RUNX2: variants seen among roughly 807,000 people sequenced by gnomAD.
RUNX2 encodes the protein runt-related transcription factor 2.
In RUNX2, 10 loss-of-function variants were observed where a neutral mutation model predicts 51.7. The ratio of observed to expected loss-of-function variants is 0.19; its 90% confidence interval spans 0.12 to 0.33. The LOEUF is 0.33. Ranked by LOEUF, RUNX2 falls within the 10% of genes least tolerant of loss-of-function variation. The pLI is 1.00. For synonymous variants in RUNX2, 276 were observed against 273.6 expected, an observed-to-expected ratio of 1.01 and a Z score of -0.09; for missense variants, 562 against 691.3, an observed-to-expected ratio of 0.81 and a Z score of 2.10.
At chr6:45,522,496 A>C (rs1801537313) in intron 7 of RUNX2, among the ~76,000 whole-genome samples, 1 of 152,182 alleles carries the variant, frequency 6.6e-6, no homozygotes, top group South Asian at 2.1e-4. Flanking sequence ...TGCTTCAACA[A>C]TTACGTTTTC....
At chr6:45,503,269 G>A (rs1343213103) in intron 6 of RUNX2, among the ~76,000 whole-genome samples, 1 of 152,164 alleles carries the variant, frequency 6.6e-6, no homozygotes, top group East Asian at 1.9e-4. Flanking sequence ...AAACTCCATA[G>A]CACCAGGGAT....
intron 2 of RUNX2, chr6:45,365,431 A>C: frequency 1.6e-6 from 1 of 616,172 alleles, no homozygotes; most frequent in Non-Finnish European, 2.7e-6. Context: ...TTTTGCACAA[A>C]ACTGATTCAC....
chr6:45,427,926 A>C (rs1798427124), intron 3 of RUNX2, among the ~76,000 whole-genome samples: 1 of 152,160 alleles, frequency 6.6e-6, no homozygotes, highest in South Asian at 2.1e-4. Flanking sequence ...TGTGATTTAA[A>C]TGCTAGTTAT....
chr6:45,375,949 T>C (rs1340114512), intron 2 of RUNX2, among the ~76,000 whole-genome samples: 1 of 152,152 alleles, frequency 6.6e-6, no homozygotes, highest in Non-Finnish European at 1.5e-5. Flanking sequence ...AATGTCCTAA[T>C]GCTCAAGAGT....
At chr6:45,491,736 T>A (rs1800481044) in intron 5 of RUNX2, among the ~76,000 whole-genome samples, 1 of 150,804 alleles carries the variant, frequency 6.6e-6, no homozygotes, top group South Asian at 2.1e-4. Flanking sequence ...TCTCCATTTA[T>A]AAAACAGAGC....
intron 5 of RUNX2, among the ~76,000 whole-genome samples, chr6:45,447,938 T>C (rs965314845): frequency 3.4e-5 from 5 of 146,144 alleles, no homozygotes; most frequent in Non-Finnish European, 7.6e-5. Context: ...AAAGCCTGTC[T>C]GCTTTGAGTG....
At chr6:45,466,612 G>A (rs1799637113) in intron 5 of RUNX2, among the ~76,000 whole-genome samples, 1 of 152,212 alleles carries the variant, frequency 6.6e-6, no homozygotes, top group Admixed American at 6.5e-5. Flanking sequence ...AGGTGGCCTT[G>A]GTGAGAGACC....
intron 3 of RUNX2, among the ~76,000 whole-genome samples, chr6:45,431,133 G>A (rs1351560076): frequency 6.6e-6 from 1 of 152,218 alleles, no homozygotes; most frequent in Non-Finnish European, 1.5e-5. Context: ...AGATTAAGCA[G>A]TCAAGTATGT....
intron 2 of RUNX2, chr6:45,365,187 A>C (rs2150275674): frequency 4.7e-6 from 7 of 1,490,878 alleles, no homozygotes; most frequent in Non-Finnish European, 5.6e-6. Context: ...AATAGCATGC[A>C]GGGACATACT....
chr6:45,479,949 C>T (rs970586100), intron 5 of RUNX2, among the ~76,000 whole-genome samples: 1 of 152,184 alleles, frequency 6.6e-6, no homozygotes, highest in African/African-American at 2.4e-5. Context: ...AAATACTTGG[C>T]ACCTTTAGTG....
intron 2 of RUNX2, among the ~76,000 whole-genome samples, chr6:45,373,287 T>C (rs1305575406): frequency 6.6e-6 from 1 of 151,976 alleles, no homozygotes; most frequent in Admixed American, 6.6e-5. Flanking sequence ...CACTACCCAT[T>C]AACTATGGGC....
intron 2 of RUNX2, among the ~76,000 whole-genome samples, chr6:45,418,005 G>A (rs17288397): frequency 0.08 from 12,160 of 152,106 alleles, 713 homozygotes; most frequent in South Asian, 0.18. Context: ...GAGTCCAAAC[G>A]AAAATTCTCC....
chr6:45,423,836 G>A (rs1798307328), intron 3 of RUNX2, among the ~76,000 whole-genome samples: 1 of 152,220 alleles, frequency 6.6e-6, no homozygotes, highest in Non-Finnish European at 1.5e-5. Flanking sequence ...AGTGCTGGGA[G>A]GCGCGGGCCA....
At chr6:45,435,914 GA>G (rs796125775) in intron 4 of RUNX2, among the ~76,000 whole-genome samples, 1 of 152,276 alleles carries the variant, frequency 6.6e-6, no homozygotes, top group African/African-American at 2.4e-5. Context: ...CCATTGTTTT[GA>G]GGTTCTAACT....
At chr6:45,394,004 C>T (rs1477405221) in intron 2 of RUNX2, among the ~76,000 whole-genome samples, 1 of 151,050 alleles carries the variant, frequency 6.6e-6, no homozygotes, top group African/African-American at 2.4e-5. Context: ...CTTCCCGGGT[C>T]CCGGTTCAAG....
chr6:45,545,017 G>T (rs1490338362), intron 7 of RUNX2, among the ~76,000 whole-genome samples, 200 bp from the exon 8 acceptor site: 1 of 152,166 alleles, frequency 6.6e-6, no homozygotes, highest in Non-Finnish European at 1.5e-5. Context: ...GAAAGTGTTT[G>T]CTTCTGGCCT....
At chr6:45,509,472 G>A (rs1308716860) in intron 6 of RUNX2, among the ~76,000 whole-genome samples, 2 of 152,166 alleles carry the variant, frequency 1.3e-5, no homozygotes, top group African/African-American at 4.8e-5. Context: ...AGGCCTAAAA[G>A]TTTAAGTGAT....
intron 5 of RUNX2, among the ~76,000 whole-genome samples, chr6:45,470,772 C>T (rs1799777043): frequency 3.3e-5 from 5 of 152,112 alleles, no homozygotes; most frequent in Admixed American, 3.3e-4. Context: ...GGCCTGTTTC[C>T]CCTTGTAATA....
chr6:45,336,419 G>C (rs933751312), intron 2 of RUNX2, among the ~76,000 whole-genome samples: 5 of 151,204 alleles, frequency 3.3e-5, no homozygotes, highest in African/African-American at 1.2e-4. Context: ...CAAGTACCCA[G>C]GAAGAAAATT....
Sources: gnomAD v4.1 joint callset for allele counts (sites outside exome capture counted in the v4.1 genomes callset) on GRCh38, gnomAD v4.1.1 for gene constraint, MANE v1.5 for transcripts, NCBI Gene and HGNC (gene_info 2026-07-23, HGNC 2026-07-21) for gene names.